Variants in LYPD6B observed in about 807,000 individuals in gnomAD.
LYPD6B encodes LY6/PLAUR domain containing 6B.
A neutral mutation model predicts 22.8 loss-of-function variants in LYPD6B; 17 were observed. That is an observed-to-expected ratio of 0.75 (90% CI 0.51 to 1.12). The LOEUF (loss-of-function observed/expected upper bound fraction) is 1.12, where lower values mean the gene tolerates loss of function less well. Ranked by LOEUF, LYPD6B falls within the 50% of genes most tolerant of loss-of-function variation. The pLI is 0.00. For missense variants in LYPD6B, 221 were observed against 258.3 expected, an observed-to-expected ratio of 0.86 and a Z score of 0.99; for synonymous variants, 106 against 91.6, an observed-to-expected ratio of 1.16 and a Z score of -0.90.
chr2:149,154,630 T>C (rs1313657747), intron 2 of LYPD6B, among the ~76,000 whole-genome samples: 5 of 151,934 alleles, frequency 3.3e-5, no homozygotes. Context: ...TAGATATTCA[T>C]TGAGAATATC....
rs1684445552 is a variant in LYPD6B at position 149,068,506 on chromosome 2, TAG to T, written c.-67+29706_-67+29707del. 3 of 252,332 alleles carry T rather than the reference TAG, an allele frequency of 1.2e-5. No homozygotes were observed. In the South Asian group the frequency reaches 1.6e-4, roughly 13 times the overall value. 15.6% of individuals were successfully genotyped at this position (252,332 alleles called of 1,614,324 possible). A position where few individuals can be genotyped will look rare whatever the true frequency, so the allele number is the denominator to read the frequency against. On this transcript the variant is annotated intron_variant, in intron 1 of 6. Transcript: ENST00000409642. ...GTCACGCAGATGGCAGTTGGGTATA[TAG>T]TCTCCATACTTTATACTTTTTATAA... is the stretch of plus-strand genomic sequence containing the variant.
chr2:149,117,784 G>A (rs1439186678), intron 1 of LYPD6B, among the ~76,000 whole-genome samples: 1 of 152,178 alleles, frequency 6.6e-6, no homozygotes, highest in South Asian at 2.1e-4. Context: ...CTATTGCTAT[G>A]TAACAAAGTA....
chr2:149,152,329 A>G (rs1473601014), intron 2 of LYPD6B, among the ~76,000 whole-genome samples: 1 of 152,246 alleles, frequency 6.6e-6, no homozygotes, highest in Non-Finnish European at 1.5e-5. Context: ...TGGGGTATGT[A>G]CGTAACTAAA....
chr2:149,202,128 CTATCATT>C (rs1268284289), intron 3 of LYPD6B, among the ~76,000 whole-genome samples: 1 of 152,140 alleles, frequency 6.6e-6, no homozygotes, highest in African/African-American at 2.4e-5. Context: ...TCTATGTTCA[CTATCATT>C]TATATCCCTT....
At chr2:149,157,327 A>ACTTC (rs77228535) in intron 2 of LYPD6B, among the ~76,000 whole-genome samples, 41,494 of 151,982 alleles carry the variant, frequency 0.27, 7,159 homozygotes, top group East Asian at 0.54. Context: ...CAGTCTAAAA[A>ACTTC]CACACAGGAG....
At chr2:149,195,801 CTTAT>C (rs1216441725) in intron 3 of LYPD6B, among the ~76,000 whole-genome samples, 2 of 152,060 alleles carry the variant, frequency 1.3e-5, no homozygotes, top group Non-Finnish European at 2.9e-5. Flanking sequence ...TAGATAGGGG[CTTAT>C]TTTTTATTCT....
rs1191177878 is a variant in LYPD6B, at chr2:149,120,349, A to ATGTGTG, written c.-66-10526_-66-10521dup. On this transcript the variant is annotated intron_variant, in intron 1 of 6. Transcript: ENST00000409642. ...TGTATATATATATGTGTATATATATATGTGTGTGTGTGTATATATATATAT... is the reference window on the plus strand; with the variant it reads ...TGTATATATATATGTGTATATATATATGTGTGTGTGTGTGTGTGTATATATATATAT... Among the ~76,000 whole-genome samples the ATGTGTG allele has an allele frequency of 7.5e-4, 75 of 99,640 alleles. 1 individual carries two copies. Among genetic ancestry groups the ATGTGTG allele is most frequent in the African/African-American group, 3.6e-3 (68 of 19,116 alleles). The allele number at this position is 99,640 out of a possible 152,430, so 65.4% of individuals were successfully genotyped here. A position where few individuals can be genotyped will look rare whatever the true frequency, so the allele number is the denominator to read the frequency against.
intron 4 of LYPD6B, 54 bp from the exon 5 acceptor site, chr2:149,208,260 T>C: frequency 3.0e-6 from 4 of 1,337,142 alleles, no homozygotes; most frequent in Non-Finnish European, 4.3e-6. Context: ...TGTTTGATGT[T>C]CGAAATTTTT....
chr2:149,057,716 A>G (rs939674190), intron 1 of LYPD6B, among the ~76,000 whole-genome samples: 1 of 152,140 alleles, frequency 6.6e-6, no homozygotes, highest in African/African-American at 2.4e-5. Flanking sequence ...CATTGCAGGC[A>G]GTCCTTTAAT....
chr2:149,152,036 C>G (rs79836467), intron 2 of LYPD6B, among the ~76,000 whole-genome samples: 1,744 of 152,230 alleles, frequency 0.011, 38 homozygotes, highest in African/African-American at 0.04. Context: ...TATTGTTTTT[C>G]CTCAAGATCT....
intron 2 of LYPD6B, among the ~76,000 whole-genome samples, chr2:149,132,560 G>A (rs1308818887): frequency 1.3e-5 from 2 of 151,924 alleles, no homozygotes; most frequent in East Asian, 1.9e-4. Context: ...GAACTCATTG[G>A]CAGCTACACA....
At chr2:149,144,947 T>C (rs1471107928) in intron 2 of LYPD6B, among the ~76,000 whole-genome samples, 10 of 152,160 alleles carry the variant, frequency 6.6e-5, no homozygotes, top group Admixed American at 5.9e-4. Flanking sequence ...TTACTGCCCA[T>C]TGATTGTGTT....
chr2:149,145,297 C>T (rs897418007), intron 2 of LYPD6B, among the ~76,000 whole-genome samples: 1 of 152,134 alleles, frequency 6.6e-6, no homozygotes, highest in Non-Finnish European at 1.5e-5. Context: ...GGATTGTGTG[C>T]TTGGACGATA....
rs528454192 is a variant in LYPD6B at position 149,163,052 on chromosome 2, G to A, written c.77+2217G>A. Reference sequence around the variant, plus strand: ...CATCTTGAGAGGGGTCTCTGTGGGGGGTGGGGCAGGAGTCCTGCTTGCCTG... The same window carrying A: ...CATCTTGAGAGGGGTCTCTGTGGGGAGTGGGGCAGGAGTCCTGCTTGCCTG... On this transcript the variant is annotated intron_variant, in intron 3 of 6. Coordinates refer to ENST00000409642, the MANE Select transcript of LYPD6B (RefSeq NM_177964.5). Among the ~76,000 whole-genome samples the A allele has an allele frequency of 3.4e-4, 51 of 152,224 alleles. 1 individual carries two copies. In the South Asian group the frequency reaches 9.3e-3, roughly 28 times the overall value.
intron 3 of LYPD6B, among the ~76,000 whole-genome samples, chr2:149,163,223 A>G (rs1045486382): frequency 1.3e-5 from 2 of 152,186 alleles, no homozygotes; most frequent in African/African-American, 4.8e-5. Flanking sequence ...AGGAGTTTCA[A>G]TAGATGCAGC....
intron 3 of LYPD6B, among the ~76,000 whole-genome samples, chr2:149,168,982 T>C (rs540723700): frequency 1.1e-4 from 16 of 152,232 alleles, no homozygotes; most frequent in Non-Finnish European, 2.1e-4. Context: ...TTGTCATCTA[T>C]TAAATCAGTG....
chr2:149,076,881 T>C (rs1300368839), intron 1 of LYPD6B, among the ~76,000 whole-genome samples: 1 of 152,158 alleles, frequency 6.6e-6, no homozygotes, highest in East Asian at 1.9e-4. Flanking sequence ...GTTCAGGCAT[T>C]TTTGTAAATT....
chr2:149,133,730 T>G (rs1688173504), intron 2 of LYPD6B, among the ~76,000 whole-genome samples: 1 of 152,122 alleles, frequency 6.6e-6, no homozygotes, highest in Non-Finnish European at 1.5e-5. Context: ...GAAGGGAAGG[T>G]GAGAGAATGT....
intron 1 of LYPD6B, among the ~76,000 whole-genome samples, chr2:149,096,858 C>T (rs1419924289): frequency 2.0e-5 from 3 of 152,156 alleles, no homozygotes; most frequent in Non-Finnish European, 2.9e-5. Context: ...AAAGAAAGAT[C>T]AGCTGCTTTT....
Sources: gnomAD v4.1 joint callset for allele counts (sites outside exome capture counted in the v4.1 genomes callset) on GRCh38, gnomAD v4.1.1 for gene constraint, MANE v1.5 for transcripts, NCBI Gene and HGNC (gene_info 2026-07-23, HGNC 2026-07-21) for gene names.